SLIT2: variants seen among roughly 807,000 people sequenced by gnomAD.
The protein encoded by SLIT2 is slit guidance ligand 2.
SLIT2 carries 41 observed loss-of-function variants against 185.7 expected under a neutral mutation model. That is an observed-to-expected ratio of 0.22 (90% confidence interval 0.17 to 0.29). The LOEUF (loss-of-function observed/expected upper bound fraction) is 0.29, where lower values mean the gene tolerates loss of function less well. Ranked by LOEUF, SLIT2 falls within the 10% of genes least tolerant of loss-of-function variation. SLIT2 has a pLI of 1.00. For synonymous variants in SLIT2, 693 were observed against 680.2 expected, an observed-to-expected ratio of 1.02 and a Z score of -0.29; for missense variants, 1,571 against 1,909.0, an observed-to-expected ratio of 0.82 and a Z score of 3.30.
intron 4 of SLIT2, among the ~76,000 whole-genome samples, chr4:20,311,952 T>G (rs1718145232): frequency 6.6e-6 from 1 of 152,194 alleles, no homozygotes; most frequent in Non-Finnish European, 1.5e-5. Context: ...AGCCACTGGT[T>G]ATTTTCAGAC....
intron 4 of SLIT2, among the ~76,000 whole-genome samples, chr4:20,269,166 A>G (rs896806280): frequency 2.0e-5 from 3 of 151,802 alleles, no homozygotes; most frequent in Non-Finnish European, 4.4e-5. Context: ...TTTAATGGAA[A>G]TGTTTGATTA....
At chr4:20,557,092 G>T (rs1724324280) in intron 26 of SLIT2, among the ~76,000 whole-genome samples, 1 of 152,054 alleles carries the variant, frequency 6.6e-6, no homozygotes, top group African/African-American at 2.4e-5. Flanking sequence ...GATTCTTGAG[G>T]TTTAAGGAAA....
intron 4 of SLIT2, among the ~76,000 whole-genome samples, chr4:20,403,952 G>C (rs1233126681): frequency 1.3e-5 from 2 of 150,758 alleles, no homozygotes; most frequent in Non-Finnish European, 3.0e-5. Flanking sequence ...TTGGAAGATA[G>C]ATTCATTGGG....
chr4:20,515,939 T>A (rs1720169121), intron 11 of SLIT2, among the ~76,000 whole-genome samples: 1 of 152,074 alleles, frequency 6.6e-6, no homozygotes, highest in Non-Finnish European at 1.5e-5. Context: ...CCTCAGCCTC[T>A]CATGTAGCTG....
At chr4:20,609,957 A>G in intron 33 of SLIT2, 56 bp from the exon 34 acceptor site, 1 of 1,510,732 alleles carries the variant, frequency 6.6e-7, no homozygotes, top group Non-Finnish European at 8.9e-7. Context: ...TAATTTAACT[A>G]CCTTGCTTTA....
intron 4 of SLIT2, among the ~76,000 whole-genome samples, chr4:20,362,609 CTG>C (rs1233737447): frequency 1.3e-5 from 2 of 151,388 alleles, no homozygotes; most frequent in Non-Finnish European, 2.9e-5. Flanking sequence ...ATATTCTGTG[CTG>C]TTTTACTTTT....
chr4:20,461,898 T>G (rs542871777), intron 4 of SLIT2, among the ~76,000 whole-genome samples: 13 of 152,214 alleles, frequency 8.5e-5, no homozygotes, highest in African/African-American at 2.9e-4. Context: ...GGAAATCAGT[T>G]TGGAGTCTCA....
chr4:20,427,950 T>C (rs1302996067), intron 4 of SLIT2, among the ~76,000 whole-genome samples: 1 of 152,116 alleles, frequency 6.6e-6, no homozygotes, highest in Non-Finnish European at 1.5e-5. Context: ...CATTTTGAGT[T>C]CCTACCCTGT....
At chr4:20,561,954 A>G (rs1172804941) in intron 26 of SLIT2, among the ~76,000 whole-genome samples, 2 of 151,880 alleles carry the variant, frequency 1.3e-5, no homozygotes, top group Non-Finnish European at 2.9e-5. Flanking sequence ...CAAAGATTTT[A>G]TAAAATAATT....
intron 33 of SLIT2, among the ~76,000 whole-genome samples, chr4:20,601,058 C>A (rs1364594751): frequency 1.3e-5 from 2 of 152,140 alleles, no homozygotes; most frequent in Non-Finnish European, 1.5e-5. Context: ...TAAGCACTTA[C>A]ATTTTCATGT....
intron 4 of SLIT2, among the ~76,000 whole-genome samples, chr4:20,340,203 G>T (rs570615302): frequency 6.6e-6 from 1 of 152,268 alleles, no homozygotes; most frequent in South Asian, 2.1e-4. Context: ...GGAGAATGGG[G>T]TATCCATCCC....
At chr4:20,444,345 T>A (rs1376499524) in intron 4 of SLIT2, among the ~76,000 whole-genome samples, 1 of 152,130 alleles carries the variant, frequency 6.6e-6, no homozygotes, top group Non-Finnish European at 1.5e-5. Context: ...AAGAATGTCA[T>A]CTTGTTTTAT....
chr4:20,550,841 A>C lies in SLIT2; in HGVS notation c.2504A>C (p.Asn835Thr), dbSNP rs1723679648. The change falls in exon 25 of 37, where the codon AAT becomes ACT. Residue 835 changes from asparagine (N) to threonine (T), a missense_variant. This residue lies in a region of SLIT2 where 1,202 missense variants were observed against 1,416.4 expected (regional missense o/e 0.85). Transcript: ENST00000504154. ...CTTTCTTTTAGTTCTCTACATGGAA[A>C]TGACATTTCTGTTGTGCCTGAAGGT... ...KSLRLLSLHG[N>T]DISVVPEGAF... The C allele has an allele frequency of 6.2e-7, 1 of 1,605,658 alleles. No individual in the cohort carries two copies. Among genetic ancestry groups the C allele is most frequent in the Admixed American group, 1.7e-5 (1 of 59,902 alleles).
chr4:20,507,300 A>G (rs1228925994), intron 9 of SLIT2, among the ~76,000 whole-genome samples: 1 of 152,018 alleles, frequency 6.6e-6, no homozygotes, highest in African/African-American at 2.4e-5. Flanking sequence ...AATTATCATA[A>G]CATATATTTG....
intron 11 of SLIT2, among the ~76,000 whole-genome samples, chr4:20,515,877 G>A (rs923555456): frequency 1.1e-4 from 17 of 152,252 alleles, no homozygotes; most frequent in Non-Finnish European, 1.9e-4. Context: ...GTACAATGGC[G>A]CAATCTCGGC....
intron 4 of SLIT2, among the ~76,000 whole-genome samples, chr4:20,410,225 T>C (rs1443788891): frequency 6.7e-6 from 1 of 149,486 alleles, no homozygotes; most frequent in African/African-American, 2.5e-5. Context: ...TCTTGGTTTT[T>C]TTTCTTTTCT....
intron 4 of SLIT2, among the ~76,000 whole-genome samples, chr4:20,462,001 GT>G (rs1713770267): frequency 6.6e-6 from 1 of 152,082 alleles, no homozygotes. Flanking sequence ...TGCTGGGGTG[GT>G]TTTGGGAATG....
At chr4:20,499,992 TAAA>T (rs1718572529) in intron 9 of SLIT2, among the ~76,000 whole-genome samples, 1 of 152,160 alleles carries the variant, frequency 6.6e-6, no homozygotes, top group Non-Finnish European at 1.5e-5. Context: ...TGCTAAATGT[TAAA>T]AAATACAGTA....
chr4:20,412,647 AT>A (rs1727349699), intron 4 of SLIT2, among the ~76,000 whole-genome samples: 1 of 152,106 alleles, frequency 6.6e-6, no homozygotes, highest in African/African-American at 2.4e-5. Flanking sequence ...TTTAAATAAA[AT>A]TTTTAAATAA....
Sources: allele counts gnomAD v4.1 joint callset (sites outside exome capture counted in the v4.1 genomes callset), GRCh38; gene constraint gnomAD v4.1.1; regional missense constraint gnomAD v4.1.1; transcripts MANE v1.5; gene names NCBI Gene and HGNC (gene_info 2026-07-23, HGNC 2026-07-21).